Variants in DSCAM observed in about 807,000 individuals in gnomAD.
The protein encoded by DSCAM is cell adhesion molecule DSCAM.
Under a neutral mutation model 217.7 loss-of-function variants are expected in DSCAM, and 47 were observed. The observed-to-expected ratio is 0.22, with a 90% CI of 0.17 to 0.28. The LOEUF is 0.28. Among genes scored for constraint, DSCAM ranks in the 10% least tolerant of loss-of-function variants. The pLI, the probability that DSCAM is intolerant of heterozygous loss-of-function variation, is 1.00. For synonymous variants in DSCAM, 1,056 were observed against 1,015.3 expected, an observed-to-expected ratio of 1.04 and a Z score of -0.76; for missense variants, 2,080 against 2,618.3, an observed-to-expected ratio of 0.79 and a Z score of 4.49.
intron 2 of DSCAM, among the ~76,000 whole-genome samples, chr21:40,697,677 T>C (rs1233219518): frequency 1.3e-5 from 2 of 152,240 alleles, no homozygotes; most frequent in African/African-American, 4.8e-5. Flanking sequence ...TTCTCTATTC[T>C]ATCCCATTGG....
chr21:40,102,569 C>T (rs1453853094), intron 20 of DSCAM, among the ~76,000 whole-genome samples: 1 of 152,170 alleles, frequency 6.6e-6, no homozygotes, highest in African/African-American at 2.4e-5. Flanking sequence ...TCTTCTAGAC[C>T]TGCCTTCATT....
At chr21:40,789,025 A>G (rs945093723) in intron 1 of DSCAM, among the ~76,000 whole-genome samples, 8 of 152,180 alleles carry the variant, frequency 5.3e-5, no homozygotes, top group Non-Finnish European at 1.0e-4. Flanking sequence ...TGCCTGGCGC[A>G]TAGTCGGTAT....
intron 3 of DSCAM, among the ~76,000 whole-genome samples, chr21:40,662,272 T>C (rs1568969835): frequency 6.6e-6 from 1 of 152,090 alleles, no homozygotes; most frequent in Non-Finnish European, 1.5e-5. Context: ...TTACCTTCAG[T>C]TCTCTACATT....
intron 3 of DSCAM, among the ~76,000 whole-genome samples, chr21:40,572,739 T>G (rs1365089106): frequency 6.6e-6 from 1 of 152,136 alleles, no homozygotes; most frequent in Non-Finnish European, 1.5e-5. Flanking sequence ...ATAAAGAGAT[T>G]CAAAATGCAT....
At chr21:40,234,786 C>A (rs2091411963) in intron 11 of DSCAM, among the ~76,000 whole-genome samples, 1 of 151,994 alleles carries the variant, frequency 6.6e-6, no homozygotes. Flanking sequence ...ACTTCATGTA[C>A]CCTGAATGAT....
intron 3 of DSCAM, among the ~76,000 whole-genome samples, chr21:40,591,138 C>A (rs2076981641): frequency 6.6e-6 from 1 of 152,200 alleles, no homozygotes; most frequent in Non-Finnish European, 1.5e-5. Context: ...TTCCTGCATT[C>A]AATCTCCTTC....
At chr21:40,282,772 T>G (rs1369638306) in intron 10 of DSCAM, among the ~76,000 whole-genome samples, 3 of 152,006 alleles carry the variant, frequency 2.0e-5, no homozygotes, top group Non-Finnish European at 4.4e-5. Flanking sequence ...ACCAGAAAAA[T>G]GCTTGTAATT....
chr21:40,612,238 T>G (rs760052380), intron 3 of DSCAM, among the ~76,000 whole-genome samples: 2 of 152,192 alleles, frequency 1.3e-5, no homozygotes, highest in African/African-American at 4.8e-5. Context: ...TTCCCCTCTC[T>G]CTTTGAATTC....
intron 9 of DSCAM, among the ~76,000 whole-genome samples, chr21:40,300,281 T>G (rs764408442): frequency 6.6e-6 from 1 of 152,190 alleles, no homozygotes; most frequent in Non-Finnish European, 1.5e-5. Context: ...TCACCATCCA[T>G]TAAGGTCCTC....
At chr21:40,333,450 C>T (rs1470875349) in intron 8 of DSCAM, among the ~76,000 whole-genome samples, 6 of 152,058 alleles carry the variant, frequency 3.9e-5, no homozygotes, top group Non-Finnish European at 5.9e-5. Context: ...CTGCAAACTC[C>T]GCCTCCTGGG....
chr21:40,648,962 G>A (rs2089982700), intron 3 of DSCAM, among the ~76,000 whole-genome samples: 1 of 152,206 alleles, frequency 6.6e-6, no homozygotes, highest in Non-Finnish European at 1.5e-5. Context: ...CTCAGCGGGT[G>A]GGGGTGCCTC....
In DSCAM at chr21:40,113,986, C is replaced by T. The variant is rs558860777; in HGVS notation, c.3696+10209G>A. Among the ~76,000 whole-genome samples the T allele has an allele frequency of 2.3e-3, 354 of 151,946 alleles. 6 individuals are homozygous for T. The highest frequency in any genetic ancestry group is 0.021 in the South Asian group (102 of 4,782). ...CAATATTGTGAAAATGGCCATACTGCCCAAGGTAATTTATAGATTCAATGC... is the reference window on the plus strand; with the variant it reads ...CAATATTGTGAAAATGGCCATACTGTCCAAGGTAATTTATAGATTCAATGC... On this transcript the variant is annotated intron_variant, in intron 20 of 32. Transcript: ENST00000400454.
At chr21:40,759,615 C>T (rs978821709) in intron 1 of DSCAM, among the ~76,000 whole-genome samples, 1 of 152,118 alleles carries the variant, frequency 6.6e-6, no homozygotes, top group African/African-American at 2.4e-5. Flanking sequence ...TGTCCAGACT[C>T]TTCTGTGCTG....
At chr21:40,686,231 A>C (rs997654673) in intron 3 of DSCAM, among the ~76,000 whole-genome samples, 2 of 32,828 alleles carry the variant, frequency 6.1e-5, no homozygotes, top group African/African-American at 1.4e-4. Context: ...ACACACACAG[A>C]GCTCACACAC....
At chr21:40,382,155 A>T (rs370677197) in intron 3 of DSCAM, among the ~76,000 whole-genome samples, 4 of 152,162 alleles carry the variant, frequency 2.6e-5, no homozygotes, top group East Asian at 1.9e-4. Flanking sequence ...TTGGATTCTT[A>T]AAGTTCTCTC....
rs145868827 is a variant in DSCAM at position 40,733,652 on chromosome 21, T to G, written c.44-24881A>C. Among the ~76,000 whole-genome samples, 1,085 of 152,262 alleles carry G rather than the reference T, an allele frequency of 7.1e-3. 14 individuals are homozygous for G. Among genetic ancestry groups the G allele is most frequent in the African/African-American group, 0.025 (1,040 of 41,554 alleles). The stretch of plus-strand genomic sequence containing the variant: ...GCTCTCCCTCTGGCCCATGAGTGAC[T>G]TATCAGAGAGGTGAGTTTGGGAAGA... On this transcript the variant is annotated intron_variant, in intron 1 of 32. Coordinates refer to ENST00000400454, the MANE Select transcript of DSCAM (RefSeq NM_001389.5).
chr21:40,758,643 C>T lies in DSCAM; in HGVS notation c.44-49872G>A, dbSNP rs1387211024. Among the ~76,000 whole-genome samples, 4 of 151,780 alleles carry T rather than the reference C, an allele frequency of 2.6e-5. No homozygotes were observed. In the South Asian group the frequency reaches 8.3e-4, roughly 32 times the overall value. Reference sequence around the variant, plus strand: ...TTTGGGGGGTCTATTTATGGTTTTCCTTTGAACCCCTCAGGCCAACTCCGG... The same window carrying T: ...TTTGGGGGGTCTATTTATGGTTTTCTTTTGAACCCCTCAGGCCAACTCCGG... On this transcript the variant is annotated intron_variant, in intron 1 of 32. Transcript: ENST00000400454.
At chr21:40,750,886 C>T (rs1323526971) in intron 1 of DSCAM, among the ~76,000 whole-genome samples, 1 of 152,206 alleles carries the variant, frequency 6.6e-6, no homozygotes, top group African/African-American at 2.4e-5. Flanking sequence ...CATGTCCACA[C>T]CATCTCTCGT....
Position 40,846,811 on chromosome 21 carries a change from C to T in DSCAM, c.-150G>A, listed in dbSNP as rs950464635. On this transcript the variant is annotated 5_prime_UTR_variant, in exon 1 of 33. Transcript: ENST00000400454. ...CCGCCGCCGCCGCTGCCTAGCCGCC[C>T]GGGCACGCGGCGCGGCCGGGCTCCG... 2.3e-5 allele frequency: 4 copies of T among 172,594 alleles called. No individual in the cohort carries two copies. The highest frequency in any genetic ancestry group is 4.4e-5 in the Non-Finnish European group (4 of 90,456). 10.7% of individuals were successfully genotyped at this position (172,594 alleles called of 1,614,324 possible). A position where few individuals can be genotyped will look rare whatever the true frequency, so the allele number is the denominator to read the frequency against.
Sources: allele counts gnomAD v4.1 joint callset (sites outside exome capture counted in the v4.1 genomes callset), GRCh38; gene constraint gnomAD v4.1.1; transcripts MANE v1.5; gene names NCBI Gene and HGNC (gene_info 2026-07-23, HGNC 2026-07-21).